GOSR1: variants seen among roughly 807,000 people sequenced by gnomAD.
The protein encoded by GOSR1 is golgi SNAP receptor complex member 1.
In GOSR1, 21 loss-of-function variants were observed where a neutral mutation model predicts 35.5. The observed-to-expected ratio is 0.59, with a 90% CI of 0.42 to 0.85. The LOEUF (loss-of-function observed/expected upper bound fraction) is 0.85. Ranked by LOEUF, GOSR1 falls within the 40% of genes least tolerant of loss-of-function variation. The pLI, the probability that GOSR1 is intolerant of heterozygous loss-of-function variation, is 0.00. For synonymous variants in GOSR1, 94 were observed against 106.6 expected, an observed-to-expected ratio of 0.88 and a Z score of 0.73; for missense variants, 285 against 309.6, an observed-to-expected ratio of 0.92 and a Z score of 0.60.
intron 6 of GOSR1, 41 bp from the exon 7 acceptor site, chr17:30,510,838 AT>A (rs756400284): frequency 2.7e-6 from 3 of 1,100,592 alleles, no homozygotes; most frequent in Middle Eastern, 4.0e-4. Flanking sequence ...TTACATGTGC[AT>A]TTAGTAAATT....
chr17:30,526,932 A>G lies in GOSR1; in HGVS notation c.*4554A>G, dbSNP rs1968193369. On this transcript the variant is annotated 3_prime_UTR_variant, in exon 9 of 9. Coordinates refer to ENST00000451249, the MANE Select transcript of GOSR1 (RefSeq NM_001007025.2). ...ATGATGTCCTGAAACCCAGGATGAA[A>G]TAATACAGGTGCTGAAAAGCTGTCA... 6.6e-6 allele frequency: 1 copy of G among 152,232 alleles called. No individual in the cohort carries two copies. The highest frequency in any genetic ancestry group is 2.4e-5 in the African/African-American group (1 of 41,454). The allele number at this position is 152,232 out of a possible 1,614,324, so 9.4% of individuals were successfully genotyped here.
In GOSR1 at chr17:30,526,502, C is replaced by T. The variant is rs1247356076; in HGVS notation, c.*4124C>T. 3 of 152,434 alleles carry T rather than the reference C, an allele frequency of 2.0e-5. No homozygotes were observed. The highest frequency in any genetic ancestry group is 4.4e-5 in the Non-Finnish European group (3 of 68,014). The allele number at this position is 152,434 out of a possible 1,614,324, so 9.4% of individuals were successfully genotyped here. On this transcript the variant is annotated 3_prime_UTR_variant, in exon 9 of 9. Transcript: ENST00000451249. ...CTCTGCAAAAAAAATTAAAAGATAC[C>T]TGAGAGCTCACTTTAATATCAAGGT...
At chr17:30,501,324 AAAC>A (rs1432441117) in intron 6 of GOSR1, among the ~76,000 whole-genome samples, 1 of 152,182 alleles carries the variant, frequency 6.6e-6, no homozygotes, top group African/African-American at 2.4e-5. Flanking sequence ...CTGCAAAGTA[AAAC>A]AACAGTAAGA....
chr17:30,498,914 G>A (rs1967098421), intron 6 of GOSR1, among the ~76,000 whole-genome samples: 1 of 152,244 alleles, frequency 6.6e-6, no homozygotes, highest in East Asian at 1.9e-4. Context: ...AGTTTGGTAC[G>A]TTTTAACAAA....
intron 6 of GOSR1, among the ~76,000 whole-genome samples, chr17:30,498,593 G>T (rs1967086029): frequency 2.0e-5 from 3 of 152,146 alleles, no homozygotes; most frequent in Admixed American, 2.0e-4. Context: ...GATAGAAAAA[G>T]ATTGAAAAGT....
chr17:30,490,040 ACAGTGTGATGACGATACATAACTGGTT>A, intron 4 of GOSR1, 59 bp from the exon 5 acceptor site: 1 of 624,068 alleles, frequency 1.6e-6, no homozygotes, highest in Non-Finnish European at 2.9e-6. Flanking sequence ...TGACAAATTT[ACAGTGTGATGACGATACATAACTGGTT>A]CAGTGAGATG....
At chr17:30,510,639 A>G in intron 6 of GOSR1, 1 of 271,746 alleles carries the variant, frequency 3.7e-6, no homozygotes, top group Non-Finnish European at 7.2e-6. Flanking sequence ...GCTTGAACCT[A>G]GGAGGCGGCA....
At chr17:30,484,063 G>C in intron 2 of GOSR1, 151 bp from the exon 3 acceptor site, 1 of 516,316 alleles carries the variant, frequency 1.9e-6, no homozygotes, top group South Asian at 2.8e-5. Context: ...AATTCCTTTG[G>C]GGTAAAAATG....
rs1402072410 is a variant in GOSR1 at position 30,525,808 on chromosome 17, A to G, written c.*3430A>G. 6.6e-6 allele frequency: 1 copy of G among 152,058 alleles called. No homozygotes were observed. The highest frequency in any genetic ancestry group is 1.5e-5 in the Non-Finnish European group (1 of 68,018). 9.4% of individuals were successfully genotyped at this position (152,058 alleles called of 1,614,324 possible). A position where few individuals can be genotyped will look rare whatever the true frequency, so the allele number is the denominator to read the frequency against. ...GTGAAGTAATGGAATTATGTTGGTT[A>G]TTTTCTTTATGAAAATAAACCAGTT... On this transcript the variant is annotated 3_prime_UTR_variant, in exon 9 of 9. Coordinates refer to ENST00000451249, the MANE Select transcript of GOSR1 (RefSeq NM_001007025.2).
intron 6 of GOSR1, among the ~76,000 whole-genome samples, chr17:30,502,526 A>C (rs1385602586): frequency 2.0e-5 from 3 of 152,220 alleles, no homozygotes; most frequent in Non-Finnish European, 4.4e-5. Context: ...ATTTTCTAGG[A>C]TCTCACTGCT....
chr17:30,505,626 T>C (rs1319095022), intron 6 of GOSR1, among the ~76,000 whole-genome samples: 1 of 152,256 alleles, frequency 6.6e-6, no homozygotes, highest in Admixed American at 6.5e-5. Context: ...TATTATCATA[T>C]CTGTTATAGC....
At chr17:30,498,100 T>C (rs1232857422) in intron 6 of GOSR1, among the ~76,000 whole-genome samples, 3 of 151,774 alleles carry the variant, frequency 2.0e-5, no homozygotes, top group African/African-American at 7.2e-5. Flanking sequence ...ATTACTCTTA[T>C]TAGTCATTAG....
At chr17:30,483,024 T>A (rs1914450069) in intron 2 of GOSR1, 1 of 152,204 alleles carries the variant, frequency 6.6e-6, no homozygotes, top group Non-Finnish European at 1.5e-5. Context: ...CAGGATTTGA[T>A]GTCTATTCTA....
chr17:30,524,244 G>T lies in GOSR1; in HGVS notation c.*1866G>T, dbSNP rs926152889. 1 of 152,464 alleles carries T rather than the reference G, an allele frequency of 6.6e-6. No homozygotes were observed. Among genetic ancestry groups the T allele is most frequent in the African/African-American group, 2.4e-5 (1 of 41,360 alleles). 9.4% of individuals were successfully genotyped at this position (152,464 alleles called of 1,614,324 possible). Reference sequence around the variant, plus strand: ...AAAAAATAATATAATAATAATTCTTGTCCTCTTATTTTACACTCATAATGA... The same window carrying T: ...AAAAAATAATATAATAATAATTCTTTTCCTCTTATTTTACACTCATAATGA... On this transcript the variant is annotated 3_prime_UTR_variant, in exon 9 of 9. Transcript: ENST00000451249.
At chr17:30,493,153 C>A (rs1282127576) in intron 6 of GOSR1, among the ~76,000 whole-genome samples, 1 of 152,078 alleles carries the variant, frequency 6.6e-6, no homozygotes, top group African/African-American at 2.4e-5. Flanking sequence ...TGCCACCATG[C>A]CTGGCTAATT....
chr17:30,501,116 G>A (rs1421233834), intron 6 of GOSR1, among the ~76,000 whole-genome samples: 2 of 152,034 alleles, frequency 1.3e-5, no homozygotes, highest in South Asian at 2.1e-4. Context: ...TCCTGACCTC[G>A]TGATCCGCCC....
chr17:30,510,057 T>G (rs1221395652), intron 6 of GOSR1, among the ~76,000 whole-genome samples: 1 of 152,042 alleles, frequency 6.6e-6, no homozygotes, highest in Non-Finnish European at 1.5e-5. Flanking sequence ...CTAACGAAAG[T>G]GAGATAGAAA....
At chr17:30,515,678 CT>C (rs1343882754) in intron 7 of GOSR1, among the ~76,000 whole-genome samples, 1 of 152,162 alleles carries the variant, frequency 6.6e-6, no homozygotes, top group East Asian at 1.9e-4. Flanking sequence ...CTGTGGAAAA[CT>C]TTTTAAAATC....
chr17:30,515,195 A>G (rs1597796574), intron 7 of GOSR1, among the ~76,000 whole-genome samples: 1 of 151,898 alleles, frequency 6.6e-6, no homozygotes, highest in Non-Finnish European at 1.5e-5. Context: ...TGACATGATC[A>G]TGGCTTACTG....
Sources: gnomAD v4.1 joint callset for allele counts (sites outside exome capture counted in the v4.1 genomes callset) on GRCh38, gnomAD v4.1.1 for gene constraint, MANE v1.5 for transcripts, NCBI Gene and HGNC (gene_info 2026-07-23, HGNC 2026-07-21) for gene names.